Variants in COL27A1 observed in about 807,000 individuals in gnomAD.
COL27A1 encodes collagen alpha-1(XXVII) chain.
Under a neutral mutation model 251.3 loss-of-function variants are expected in COL27A1, and 106 were observed. That is an observed-to-expected ratio of 0.42 (90% CI 0.36 to 0.50). The LOEUF (loss-of-function observed/expected upper bound fraction) is 0.50. Ranked by LOEUF, COL27A1 falls within the 20% of genes least tolerant of loss-of-function variation. COL27A1 has a pLI of 0.00. For synonymous variants in COL27A1, 1,000 were observed against 986.3 expected (o/e 1.01, Z -0.26); for missense variants, 2,325 against 2,522.8 (o/e 0.92, Z 1.68).
intron 48 of COL27A1, among the ~76,000 whole-genome samples, 200 bp downstream of exon 48, chr9:114,291,117 T>G (rs1373750093): frequency 6.6e-6 from 1 of 152,122 alleles, no homozygotes. Context: ...TGGGGAGCTG[T>G]AAATATCGCC....
intron 1 of COL27A1, 137 bp downstream of exon 1, chr9:114,156,149 G>A (rs1356483681): frequency 2.4e-6 from 3 of 1,238,610 alleles, no homozygotes; most frequent in Non-Finnish European, 3.1e-6. Context: ...CGCGAGGCGG[G>A]ACGCCAAGGG....
At chr9:114,176,694 C>T (rs1043037882) in intron 3 of COL27A1, among the ~76,000 whole-genome samples, 11 of 152,164 alleles carry the variant, frequency 7.2e-5, no homozygotes, top group East Asian at 5.8e-4. Context: ...GGAACTCTGC[C>T]GCCAATTTGG....
At chr9:114,303,991 C>T (rs544468282) in intron 56 of COL27A1, among the ~76,000 whole-genome samples, 7 of 152,346 alleles carry the variant, frequency 4.6e-5, no homozygotes, top group Non-Finnish European at 8.8e-5. Context: ...GTGCAACTGA[C>T]ATTTGCATAA....
intron 22 of COL27A1, 127 bp from the exon 23 acceptor site, chr9:114,243,380 C>A (rs1009892098): frequency 2.6e-6 from 2 of 758,698 alleles, no homozygotes; most frequent in Admixed American, 4.2e-5. Flanking sequence ...GGGTTATATG[C>A]CCCTGTCCAC....
chr9:114,206,124 C>A (rs1829944087), intron 9 of COL27A1, 128 bp from the exon 10 acceptor site: 4 of 929,560 alleles, frequency 4.3e-6, no homozygotes, highest in South Asian at 1.5e-5. Context: ...CCAAAGATCG[C>A]TGATCTAACC....
rs772985787 is a variant in COL27A1 at position 114,211,039 on chromosome 9, C to T, written c.2367+13C>T. ...GATGGGTATGCCGGTAAAGATTTTC[C>T]GTGTCTATTACGCAGACTCTAGCGG... On this transcript the variant is annotated intron_variant, in intron 12 of 60. Coordinates refer to ENST00000356083, the MANE Select transcript of COL27A1 (RefSeq NM_032888.4). 4.5e-5 allele frequency: 72 copies of T among 1,613,976 alleles called. No individual in the cohort carries two copies. Among genetic ancestry groups the T allele is most frequent in the Non-Finnish European group, 5.3e-5 (63 of 1,179,908 alleles).
intron 2 of COL27A1, among the ~76,000 whole-genome samples, chr9:114,164,372 C>A (rs1281032183): frequency 1.3e-5 from 2 of 152,244 alleles, no homozygotes; most frequent in African/African-American, 2.4e-5. Context: ...TGACTCATAG[C>A]AGCTCTGTGC....
chr9:114,265,397 G>A (rs1225380187), intron 31 of COL27A1, 25 bp from the exon 32 acceptor site: 1 of 1,612,186 alleles, frequency 6.2e-7, no homozygotes. Context: ...GAGGGCCTAA[G>A]GTCACCTTTA....
At chr9:114,198,757 G>T (rs1285276513) in intron 7 of COL27A1, among the ~76,000 whole-genome samples, 4 of 152,166 alleles carry the variant, frequency 2.6e-5, no homozygotes, top group African/African-American at 7.2e-5. Context: ...GAAGGAATTT[G>T]CTGGGCCAGT....
At chr9:114,209,362 C>T (rs565268241) in intron 10 of COL27A1, 89 of 648,040 alleles carry the variant, frequency 1.4e-4, no homozygotes, top group East Asian at 3.0e-4. Context: ...CTAACCCAGC[C>T]GCGAGCTTCC....
intron 23 of COL27A1, 82 bp from the exon 24 acceptor site, chr9:114,245,784 G>C: frequency 7.4e-7 from 1 of 1,345,948 alleles, no homozygotes; most frequent in South Asian, 1.2e-5. Context: ...TGGCAGCTAA[G>C]GCCAGCAGGC....
At chr9:114,256,447 A>C (rs575709048) in intron 27 of COL27A1, among the ~76,000 whole-genome samples, 2 of 152,176 alleles carry the variant, frequency 1.3e-5, no homozygotes, top group Non-Finnish European at 2.9e-5. Flanking sequence ...GAGCCAAGAT[A>C]GCGCCACTGC....
chr9:114,243,647 C>G, intron 23 of COL27A1, 87 bp downstream of exon 23: 1 of 1,145,916 alleles, frequency 8.7e-7, no homozygotes, highest in Non-Finnish European at 1.3e-6. Flanking sequence ...AATCCCATGG[C>G]CAGTTGTGAA....
intron 12 of COL27A1, 61 bp downstream of exon 12, chr9:114,211,087 C>A: frequency 6.5e-7 from 1 of 1,546,160 alleles, no homozygotes; most frequent in African/African-American, 1.4e-5. Context: ...CCCACGGCCA[C>A]GCTGCCCTGG....
At chr9:114,170,618 T>G (rs1849242939) in intron 3 of COL27A1, among the ~76,000 whole-genome samples, 1 of 152,200 alleles carries the variant, frequency 6.6e-6, no homozygotes, top group African/African-American at 2.4e-5. Context: ...ATCCAGCCTG[T>G]CTCCAAGAGG....
At position 114,242,848 on chromosome 9, in the gene COL27A1, T is replaced by G. The variant is rs7034578; in HGVS notation, c.2880+617T>G. ...TAAACTCATTTCCTGTTGATAAAAA[T>G]TATATTTTTAGGAGAATTCACGCTA... On this transcript the variant is annotated intron_variant, in intron 22 of 60. Transcript: ENST00000356083. 4.5e-3 allele frequency among the ~76,000 whole-genome samples: 680 copies of G among 152,338 alleles called. 8 individuals are homozygous for G. Among genetic ancestry groups the G allele is most frequent in the African/African-American group, 0.016 (656 of 41,574 alleles).
chr9:114,292,040 G>A (rs567926828), intron 48 of COL27A1, 63 bp from the exon 49 acceptor site: 74 of 1,410,064 alleles, frequency 5.2e-5, no homozygotes, highest in East Asian at 4.2e-4. Context: ...GGCCCCCTCC[G>A]CCTCCTCCTG....
intron 12 of COL27A1, 150 bp from the exon 13 acceptor site, chr9:114,219,641 G>A: frequency 1.8e-6 from 1 of 553,604 alleles, no homozygotes; most frequent in Non-Finnish European, 3.3e-6. Context: ...GATGGTAGGG[G>A]TGACCTCAGG....
rs950603841 is a variant in COL27A1 at position 114,290,673 on chromosome 9, C to A, written c.4369-137C>A. ...CCTCCTGGTCCAGCCACATCACACA[C>A]AGGCCGTCTGACCTCCATCCTGGAG... On this transcript the variant is annotated intron_variant, in intron 47 of 60. Transcript: ENST00000356083. This position sits in a 1 kb window ranked among gnomAD's most constrained non-coding sequence, Gnocchi z 4.6. 13 of 666,026 alleles carry A rather than the reference C, an allele frequency of 2.0e-5. No individual in the cohort carries two copies. The African/African-American group carries it at 2.4e-4, about 12-fold the overall frequency. The allele number at this position is 666,026 out of a possible 1,614,324, so 41.3% of individuals were successfully genotyped here. A position where few individuals can be genotyped will look rare whatever the true frequency, so the allele number is the denominator to read the frequency against.
Sources: allele counts gnomAD v4.1 joint callset (sites outside exome capture counted in the v4.1 genomes callset), GRCh38; gene constraint gnomAD v4.1.1; non-coding constraint Gnocchi (gnomAD v3.1); transcripts MANE v1.5; gene names NCBI Gene and HGNC (gene_info 2026-07-23, HGNC 2026-07-21).